The following ARMCX4 variants were observed in gnomAD, a reference collection of about 807,000 sequenced individuals.
The protein encoded by ARMCX4 is armadillo repeat containing X-linked 4.
Under a neutral mutation model 34.7 loss-of-function variants are expected in ARMCX4, and 3 were observed. The observed-to-expected ratio is 0.09, with a 90% CI of 0.04 to 0.22. The LOEUF (loss-of-function observed/expected upper bound fraction) is 0.22. Among genes scored for constraint, ARMCX4 ranks in the 10% least tolerant of loss-of-function variants. The pLI is 1.00. For synonymous variants in ARMCX4, 513 were observed against 632.8 expected (o/e 0.81, Z 2.84); for missense variants, 1,448 against 1,720.8 (o/e 0.84, Z 2.81).
intron 4 of ARMCX4, among the ~76,000 whole-genome samples, chrX:101,471,680 C>T (rs1205169027): frequency 1.8e-5 from 2 of 111,343 alleles, no homozygotes; most frequent in East Asian, 5.6e-4. Flanking sequence ...CTAGGAGGCA[C>T]CCCCCAGCAG....
intron 11 of ARMCX4, among the ~76,000 whole-genome samples, chrX:101,511,447 G>A (rs1425786227): frequency 1.8e-4 from 20 of 110,331 alleles, no homozygotes; most frequent in African/African-American, 6.6e-4. Context: ...GATTTTTATG[G>A]CTTTCTTCTG....
intron 2 of ARMCX4, among the ~76,000 whole-genome samples, chrX:101,434,002 A>T (rs1002314707): frequency 2.8e-5 from 3 of 106,963 alleles, no homozygotes; most frequent in Non-Finnish European, 3.9e-5. Flanking sequence ...CTGGAGTGCA[A>T]TGGCTTGATC....
intron 11 of ARMCX4, among the ~76,000 whole-genome samples, chrX:101,523,666 AGG>A (rs1934901957): frequency 2.7e-5 from 3 of 111,721 alleles, no homozygotes; most frequent in Admixed American, 1.9e-4. Flanking sequence ...AACAATCTCC[AGG>A]GTGTGGGCAG....
chrX:101,516,841 G>A (rs1371043529), intron 11 of ARMCX4: 1 of 111,123 alleles, frequency 9.0e-6, no homozygotes, highest in Admixed American at 9.7e-5. Context: ...CTAAAAAATC[G>A]CCAGCAAGCC....
chrX:101,432,526 TA>T, intron 2 of ARMCX4, among the ~76,000 whole-genome samples: 1 of 109,384 alleles, frequency 9.1e-6, no homozygotes, highest in African/African-American at 3.3e-5. Flanking sequence ...CCAGGTGTGG[TA>T]GTGCTCGCCT....
chrX:101,447,345 C>T (rs1359299410), downstream of ARMCX4: 2 of 112,402 alleles, frequency 1.8e-5, no homozygotes, highest in Admixed American at 1.9e-4. Flanking sequence ...CTTAATTTTA[C>T]CTACCTATTA....
At chrX:101,505,025 A>G (rs1556014803) in exon 8 of ARMCX4, 3 of 111,736 alleles carry the variant, frequency 2.7e-5, no homozygotes, top group African/African-American at 9.8e-5. Flanking sequence ...TGATTTGAAT[A>G]TGGTTTATCC....
At chrX:101,420,498 C>T (rs954487362) in intron 2 of ARMCX4, among the ~76,000 whole-genome samples, 2 of 112,070 alleles carry the variant, frequency 1.8e-5, no homozygotes, top group Non-Finnish European at 3.8e-5. Context: ...AAGTAGCAAG[C>T]AAATAGCCAT....
downstream of ARMCX4, chrX:101,498,826 A>C (rs1269885121): frequency 9.0e-6 from 1 of 111,714 alleles, no homozygotes; most frequent in Non-Finnish European, 1.9e-5. Flanking sequence ...TTATATCCCC[A>C]GATTCCCCTG....
rs1039304235 is a variant in ARMCX4, at chrX:101,519,038, T to A, written c.*1780+7983T>A. On this transcript the variant is annotated intron_variant and NMD_transcript_variant, in intron 11 of 12. Coordinates refer to the ARMCX4 transcript ENST00000354842. ...GCTCATCAGTTAATTGAAAAATAAT[T>A]GAGACATTGGAGAAAATAATAAAAT... Among the ~76,000 whole-genome samples, 4 of 111,114 alleles carry A rather than the reference T, an allele frequency of 3.6e-5. No homozygotes were observed. In the Admixed American group the frequency reaches 3.8e-4, roughly 11 times the overall value.
In ARMCX4 at chrX:101,493,526, C is replaced by A. The variant is rs782741850; in HGVS notation, c.4937C>A (p.Ser1646Tyr). Residue 1646 changes from serine (S) to tyrosine (Y), a missense_variant, in exon 6 of 6, where the codon TCC becomes TAC. Transcript: ENST00000423738. ...ACTGGGAATCAGTCCAGTGGAAGGT[C>A]CTGGATTGGGCCTGGGGATCAGGCT... ...AGTGNQSSGR[S>Y]WIGPGDQAVD... 3.2e-5 allele frequency: 37 copies of A among 1,152,580 alleles called. No homozygotes were observed. The highest frequency in any genetic ancestry group is 4.1e-5 in the Non-Finnish European group (36 of 871,941). 95.0% of individuals were successfully genotyped at this position (1,152,580 alleles called of 1,213,427 possible). A position where few individuals can be genotyped will look rare whatever the true frequency, so the allele number is the denominator to read the frequency against.
intron 11 of ARMCX4, among the ~76,000 whole-genome samples, chrX:101,521,802 A>C (rs1556019172): frequency 1.8e-5 from 2 of 111,513 alleles, no homozygotes; most frequent in African/African-American, 6.5e-5. Context: ...TTTAATTTGC[A>C]CATATGTGTG....
rs1195945536 is a variant in ARMCX4 at position 101,489,932 on chromosome X, C to T, written c.1343C>T (p.Ala448Val). ...TCCCAGGTTGAGGCCTTGCCTGATG[C>T]CAGGGATAAGAGCAGAGGCAATCCC... ...ANSQVEALPD[A>V]RDKSRGNPNV... Residue 448 changes from alanine (A) to valine (V), a missense_variant, in exon 6 of 6, where the codon GCC (alanine) becomes GTC (valine). Transcript: ENST00000423738. The T allele has an allele frequency of 4.3e-6, 5 of 1,154,242 alleles. No homozygotes were observed. The African/African-American group carries it at 9.0e-5, about 21-fold the overall frequency.
chrX:101,450,836 C>T (rs782259797), downstream of ARMCX4, among the ~76,000 whole-genome samples: 3 of 111,230 alleles, frequency 2.7e-5, no homozygotes, highest in African/African-American at 9.8e-5. Flanking sequence ...CCCTTTTGGC[C>T]CACAGTGTGT....
chrX:101,459,510 C>T (rs1473992395), intron 4 of ARMCX4, among the ~76,000 whole-genome samples: 2 of 111,689 alleles, frequency 1.8e-5, no homozygotes, highest in Non-Finnish European at 3.8e-5. Context: ...CAGTTTATAT[C>T]AAAGTCTTCT....
At chrX:101,426,721 C>A (rs1313480054) in intron 2 of ARMCX4, among the ~76,000 whole-genome samples, 1 of 111,438 alleles carries the variant, frequency 9.0e-6, no homozygotes, top group Non-Finnish European at 1.9e-5. Context: ...ATTATTATCA[C>A]CCCCTTGTCA....
chrX:101,488,344 G>C, intron 5 of ARMCX4, 100 bp from the exon 6 acceptor site: 4 of 783,717 alleles, frequency 5.1e-6, no homozygotes, highest in Non-Finnish European at 7.0e-6. Flanking sequence ...CTTCCACCAA[G>C]CACATGGTTC....
chrX:101,428,236 A>G (rs1555991313), intron 2 of ARMCX4, among the ~76,000 whole-genome samples: 1 of 112,297 alleles, frequency 8.9e-6, no homozygotes, highest in Non-Finnish European at 1.9e-5. Flanking sequence ...ACCAACATGG[A>G]CAAATCTCAA....
chrX:101,433,212 G>T lies in ARMCX4; in HGVS notation n.165-10840G>T, dbSNP rs781823774. Among the ~76,000 whole-genome samples, 3 of 28,019 alleles carry T rather than the reference G, an allele frequency of 1.1e-4. 1 individual carries two copies. Among genetic ancestry groups the T allele is most frequent in the South Asian group, 2.6e-3 (2 of 770 alleles). 24.3% of individuals were successfully genotyped at this position (28,019 alleles called of 115,157 possible). A position where few individuals can be genotyped will look rare whatever the true frequency, so the allele number is the denominator to read the frequency against. On this transcript the variant is annotated intron_variant and non_coding_transcript_variant, in intron 2 of 3. Transcript: ENST00000430461. Reference sequence around the variant, plus strand: ...CACATACACATATATGTGCATATACGCACATATATACATATATGTACACAT... The same window carrying T: ...CACATACACATATATGTGCATATACTCACATATATACATATATGTACACAT...
Sources: allele counts gnomAD v4.1 joint callset (sites outside exome capture counted in the v4.1 genomes callset), GRCh38; gene constraint gnomAD v4.1.1; transcripts MANE v1.5; gene names NCBI Gene and HGNC (gene_info 2026-07-23, HGNC 2026-07-21).